The following ANXA2 variants were observed in gnomAD, a reference collection of about 807,000 sequenced individuals.
ANXA2 encodes the protein annexin A2.
ANXA2 carries 28 observed loss-of-function variants against 47.3 expected under a neutral mutation model. The ratio of observed to expected loss-of-function variants is 0.59; its 90% CI spans 0.44 to 0.81. ANXA2 has a LOEUF of 0.81. ANXA2 is among the 40% of genes least tolerant of loss of function. ANXA2 has a pLI of 0.00. For synonymous variants in ANXA2, 172 were observed against 155.5 expected, an observed-to-expected ratio of 1.11 and a Z score of -0.79; for missense variants, 384 against 414.3, an observed-to-expected ratio of 0.93 and a Z score of 0.64.
rs149496088 is a variant in ANXA2 at position 60,389,187 on chromosome 15, T to C, written c.-11-3101A>G. On this transcript the variant is annotated intron_variant, in intron 1 of 12. Coordinates refer to ENST00000451270, the MANE Select transcript of ANXA2 (RefSeq NM_004039.3). The stretch of plus-strand genomic sequence containing the variant: ...TGTCATCTGCTGTGCAGAATTCTAG[T>C]CTCTACCATAAACAGGCAAGAAATA... 6.9e-3 allele frequency among the ~76,000 whole-genome samples: 1,044 copies of C among 152,142 alleles called. 11 individuals are homozygous for C. The highest frequency in any genetic ancestry group is 0.023 in the African/African-American group (951 of 41,492).
intron 1 of ANXA2, among the ~76,000 whole-genome samples, chr15:60,391,483 G>C (rs1004669909): frequency 6.6e-6 from 1 of 152,146 alleles, no homozygotes; most frequent in Non-Finnish European, 1.5e-5. Context: ...CGTCCAGTGG[G>C]GTGCCCTGTG....
At chr15:60,385,878 C>T in intron 2 of ANXA2, 150 bp downstream of exon 2, 3 of 546,314 alleles carry the variant, frequency 5.5e-6, no homozygotes, top group South Asian at 5.3e-5. Context: ...CTACTAGGAA[C>T]AGCTGAAGTA....
At chr15:60,347,720 G>C in intron 12 of ANXA2, 31 bp from the exon 13 acceptor site, 3 of 1,607,488 alleles carry the variant, frequency 1.9e-6, no homozygotes, top group Non-Finnish European at 2.6e-6. Context: ...AAAGAAACGT[G>C]GTATCAGAAA....
intron 11 of ANXA2, among the ~76,000 whole-genome samples, chr15:60,350,292 T>C (rs571242607): frequency 2.6e-5 from 4 of 152,176 alleles, no homozygotes; most frequent in Admixed American, 2.0e-4. Flanking sequence ...TATGCCACCA[T>C]TCAATAAATA....
intron 3 of ANXA2, chr15:60,374,505 C>T: frequency 2.2e-6 from 1 of 456,066 alleles, no homozygotes; most frequent in South Asian, 1.5e-5. Flanking sequence ...AATCTGGTTA[C>T]TGCCATTGTC....
intron 3 of ANXA2, among the ~76,000 whole-genome samples, chr15:60,379,872 A>G (rs983119575): frequency 2.6e-5 from 4 of 152,184 alleles, no homozygotes; most frequent in African/African-American, 7.2e-5. Context: ...GCCTGAAGGT[A>G]TTTTTATTAC....
At chr15:60,354,877 C>G (rs1331256345) in intron 7 of ANXA2, among the ~76,000 whole-genome samples, 1 of 152,152 alleles carries the variant, frequency 6.6e-6, no homozygotes, top group Non-Finnish European at 1.5e-5. Context: ...AAATGTAAAG[C>G]AGCCCGGGAA....
At chr15:60,396,453 G>C (rs572011818) in intron 1 of ANXA2, 2 of 152,124 alleles carry the variant, frequency 1.3e-5, no homozygotes, top group Admixed American at 1.3e-4. Flanking sequence ...GTGGAAAAAA[G>C]AAAGTGGAAC....
At position 60,351,851 on chromosome 15, in the gene ANXA2, C is replaced by A. The variant is rs185041670; in HGVS notation, c.683-32G>T. On this transcript the variant is annotated intron_variant, in intron 9 of 12. Coordinates refer to ENST00000451270, the MANE Select transcript of ANXA2 (RefSeq NM_004039.3). ...AAAAACAACAAAGAGTTATCAGATC[C>A]GAGCCACTAGTCAAAGCTGTCAACG... The A allele has an allele frequency of 2.8e-6, 4 of 1,446,482 alleles. No individual in the cohort carries two copies. In the East Asian group the frequency reaches 9.2e-5, roughly 33 times the overall value. 89.6% of individuals were successfully genotyped at this position (1,446,482 alleles called of 1,614,324 possible). A position where few individuals can be genotyped will look rare whatever the true frequency, so the allele number is the denominator to read the frequency against.
At chr15:60,357,051 T>C (rs780973246) in intron 6 of ANXA2, 95 bp downstream of exon 6, 1 of 1,113,318 alleles carries the variant, frequency 9.0e-7, no homozygotes, top group Non-Finnish European at 1.4e-6. Context: ...ACATCACTAA[T>C]GCAGGCATCT....
rs1260102368 is a variant in ANXA2 at position 60,347,329 on chromosome 15, GT to G, written c.*300del. ...AGTTGAAAGCAGGGCCACAAAGTAC[GT>G]GTTTCTAAAGTACAAATTCAGTTTA... On this transcript the variant is annotated 3_prime_UTR_variant, in exon 13 of 13. Coordinates refer to ENST00000451270, the MANE Select transcript of ANXA2 (RefSeq NM_004039.3). 7 of 414,584 alleles carry G rather than the reference GT, an allele frequency of 1.7e-5. No homozygotes were observed. Among genetic ancestry groups the G allele is most frequent in the African/African-American group, 1.4e-4 (7 of 49,872 alleles). The allele number at this position is 414,584 out of a possible 1,614,324, so 25.7% of individuals were successfully genotyped here.
At chr15:60,357,278 C>T (rs1395743433) in intron 5 of ANXA2, 42 bp from the exon 6 acceptor site, 8 of 1,528,640 alleles carry the variant, frequency 5.2e-6, no homozygotes, top group Admixed American at 3.3e-5. Flanking sequence ...GAAATGCTTC[C>T]CCACCATTAG....
chr15:60,375,504 T>A (rs958888804), intron 3 of ANXA2, among the ~76,000 whole-genome samples: 1 of 152,200 alleles, frequency 6.6e-6, no homozygotes, highest in African/African-American at 2.4e-5. Flanking sequence ...TTCACAGCTG[T>A]GTTGTACACG....
At position 60,347,391 on chromosome 15, in the gene ANXA2, G is replaced by C. The variant is rs140887396; in HGVS notation, c.*239C>G. On this transcript the variant is annotated 3_prime_UTR_variant, in exon 13 of 13. Transcript: ENST00000451270. ...TATGACACAGTACACAGGAGGCAAA[G>C]TGTTTCACATCATAGACTTCACTTC... The C allele has an allele frequency of 3.2e-4, 188 of 581,972 alleles. No individual in the cohort carries two copies. The East Asian group carries it at 5.0e-3, about 15-fold the overall frequency. 36.1% of individuals were successfully genotyped at this position (581,972 alleles called of 1,614,324 possible). A position where few individuals can be genotyped will look rare whatever the true frequency, so the allele number is the denominator to read the frequency against.
At chr15:60,351,394 G>A in intron 10 of ANXA2, 143 bp from the exon 11 acceptor site, 1 of 805,240 alleles carries the variant, frequency 1.2e-6, no homozygotes, top group East Asian at 2.6e-5. Flanking sequence ...CAGGCTAAGG[G>A]AAATCTAGAA....
At chr15:60,348,561 G>A (rs545185461) in intron 12 of ANXA2, among the ~76,000 whole-genome samples, 7 of 152,136 alleles carry the variant, frequency 4.6e-5, no homozygotes, top group East Asian at 3.9e-4. Context: ...TGGCTAACAC[G>A]GTGAAACCCT....
At chr15:60,381,126 G>A (rs781246601) in intron 3 of ANXA2, among the ~76,000 whole-genome samples, 5 of 152,108 alleles carry the variant, frequency 3.3e-5, no homozygotes, top group East Asian at 1.9e-4. Context: ...TAGTAAATAC[G>A]CAGGCATAAA....
At chr15:60,390,942 G>A (rs1434613433) in intron 1 of ANXA2, 3 of 152,660 alleles carry the variant, frequency 2.0e-5, no homozygotes, top group African/African-American at 7.2e-5. Flanking sequence ...ATCCTTGAAA[G>A]CAGGAAAAGG....
chr15:60,352,290 T>G lies in ANXA2; in HGVS notation c.682+93A>C, dbSNP rs914443910. ...GAGAGTGCCAAGCGGAGACAGAACC[T>G]CATTCTGGCAGACTCCATCCCAACA... On this transcript the variant is annotated intron_variant, in intron 9 of 12. Transcript: ENST00000451270. The surrounding 1 kb of genome is among the most constrained non-coding windows in gnomAD (Gnocchi z 4.2). 27 of 798,310 alleles carry G rather than the reference T, an allele frequency of 3.4e-5. No homozygotes were observed. The highest frequency in any genetic ancestry group is 4.9e-5 in the Non-Finnish European group (24 of 485,974). 49.5% of individuals were successfully genotyped at this position (798,310 alleles called of 1,614,324 possible). A position where few individuals can be genotyped will look rare whatever the true frequency, so the allele number is the denominator to read the frequency against.
Sources: allele counts gnomAD v4.1 joint callset (sites outside exome capture counted in the v4.1 genomes callset), GRCh38; gene constraint gnomAD v4.1.1; non-coding constraint Gnocchi (gnomAD v3.1); transcripts MANE v1.5; gene names NCBI Gene and HGNC (gene_info 2026-07-23, HGNC 2026-07-21).